SPRED2: variants seen among roughly 807,000 people sequenced by gnomAD.
The protein encoded by SPRED2 is sprouty-related, EVH1 domain-containing protein 2.
In SPRED2, 47 loss-of-function variants were observed where a neutral mutation model predicts 43.0. The ratio of observed to expected loss-of-function variants is 1.09; its 90% CI spans 0.87 to 1.40. SPRED2 has a LOEUF of 1.40. SPRED2 is among the 40% of genes most tolerant of loss of function. The pLI, the probability that SPRED2 is intolerant of heterozygous loss-of-function variation, is 0.00. For missense variants in SPRED2, 561 were observed against 586.4 expected (o/e 0.96, Z 0.45); for synonymous variants, 225 against 225.7 (o/e 1.00, Z 0.03).
rs1000640439 is a variant in SPRED2, at chr2:65,355,533, A to G, written c.27-10637T>C. 4.6e-5 allele frequency among the ~76,000 whole-genome samples: 7 copies of G among 152,304 alleles called. No individual in the cohort carries two copies. The East Asian group carries it at 9.6e-4, about 21-fold the overall frequency. On this transcript the variant is annotated intron_variant, in intron 1 of 5. Coordinates refer to ENST00000356388, the MANE Select transcript of SPRED2 (RefSeq NM_181784.3). ...GGAGTTTGAGACTAGCCTGGCTAAC[A>G]TGGAGAAAGCTCGTCTCCATCAAAA...
intron 1 of SPRED2, among the ~76,000 whole-genome samples, chr2:65,360,892 C>A (rs983904439): frequency 6.6e-6 from 1 of 152,150 alleles, no homozygotes; most frequent in African/African-American, 2.4e-5. Context: ...AGGTAAAGAA[C>A]CCCAAATTTA....
intron 1 of SPRED2, among the ~76,000 whole-genome samples, chr2:65,355,118 A>G (rs889052525): frequency 4.6e-5 from 7 of 152,214 alleles, no homozygotes; most frequent in African/African-American, 1.4e-4. Context: ...TCTAATCCTT[A>G]CTAATAGCAG....
intron 1 of SPRED2, among the ~76,000 whole-genome samples, chr2:65,420,033 A>C (rs1676384235): frequency 6.6e-6 from 1 of 151,964 alleles, no homozygotes; most frequent in South Asian, 2.1e-4. Context: ...AACATGGTGA[A>C]ACCCCTCCTC....
intron 1 of SPRED2, among the ~76,000 whole-genome samples, chr2:65,422,104 A>ACACACACACACTCT (rs1299857849): frequency 3.5e-3 from 452 of 128,974 alleles, no homozygotes; most frequent in South Asian, 8.7e-3. Flanking sequence ...ACACACACAC[A>ACACACACACACTCT]CTCTCTCTCT....
At chr2:65,397,748 C>G (rs2103709135) in intron 1 of SPRED2, among the ~76,000 whole-genome samples, 1 of 152,050 alleles carries the variant, frequency 6.6e-6, no homozygotes, top group East Asian at 1.9e-4. Context: ...AGACATATCC[C>G]CCACTCCAAA....
chr2:65,384,178 G>A (rs1217337568), intron 1 of SPRED2, among the ~76,000 whole-genome samples: 1 of 151,916 alleles, frequency 6.6e-6, no homozygotes, highest in Non-Finnish European at 1.5e-5. Flanking sequence ...TCTCCACCAG[G>A]TGTGGGAACT....
intron 1 of SPRED2, among the ~76,000 whole-genome samples, chr2:65,390,159 G>GT (rs1248508542): frequency 6.6e-6 from 1 of 152,270 alleles, no homozygotes; most frequent in Non-Finnish European, 1.5e-5. Flanking sequence ...TTTCTGAGAG[G>GT]AAGGTGACTG....
At chr2:65,400,184 T>TAA (rs1330271727) in intron 1 of SPRED2, among the ~76,000 whole-genome samples, 1 of 152,180 alleles carries the variant, frequency 6.6e-6, no homozygotes, top group East Asian at 1.9e-4. Flanking sequence ...CAATCCTTCT[T>TAA]AAATAGTTAT....
intron 2 of SPRED2, among the ~76,000 whole-genome samples, chr2:65,336,514 C>T (rs1284697484): frequency 6.6e-6 from 1 of 152,110 alleles, no homozygotes; most frequent in Non-Finnish European, 1.5e-5. Context: ...ACAACAGTTC[C>T]CTCCCATAAT....
chr2:65,347,128 C>T (rs1302983015), intron 1 of SPRED2, among the ~76,000 whole-genome samples: 6 of 152,170 alleles, frequency 3.9e-5, no homozygotes, highest in Admixed American at 3.9e-4. Flanking sequence ...TCCCTCCAGA[C>T]TCCAATAATT....
intron 4 of SPRED2, among the ~76,000 whole-genome samples, chr2:65,317,558 CAAA>C (rs58570914): frequency 0.072 from 6,121 of 85,388 alleles, 188 homozygotes; most frequent in African/African-American, 0.15. Context: ...ACAACAACAA[CAAA>C]AACAAAACAT....
At position 65,344,783 on chromosome 2, in the gene SPRED2, A is replaced by T. The variant is rs1414347657; in HGVS notation, c.140T>A (p.Met47Lys). 9.9e-6 allele frequency: 16 copies of T among 1,614,204 alleles called. No individual in the cohort carries two copies. Among genetic ancestry groups the T allele is most frequent in the Non-Finnish European group, 1.4e-5 (16 of 1,180,018 alleles). ...GCTTCGTCCATTGCCTTCGGGGTGC[A>T]TGACCTTACAGACCCCGACGCGACT... Reference protein sequence around the residue: ...GISRVGVCKVMHPEGNGRSGF... With the variant: ...GISRVGVCKVKHPEGNGRSGF... Residue 47 changes from methionine to lysine, a missense_variant, in exon 2 of 6, where the codon ATG becomes AAG. Transcript: ENST00000356388.
chr2:65,320,809 A>G (rs1673387494), intron 4 of SPRED2, among the ~76,000 whole-genome samples: 1 of 152,194 alleles, frequency 6.6e-6, no homozygotes, highest in African/African-American at 2.4e-5. Flanking sequence ...GCAAAGGGGA[A>G]AAAAAATCTC....
chr2:65,374,540 T>G (rs1675195217), intron 1 of SPRED2, among the ~76,000 whole-genome samples: 1 of 152,268 alleles, frequency 6.6e-6, no homozygotes, highest in South Asian at 2.1e-4. Flanking sequence ...CAGTTAACTT[T>G]CTGGTTTCTC....
chr2:65,401,973 A>ACACACACACAC (rs770117392), intron 1 of SPRED2, among the ~76,000 whole-genome samples: 2 of 148,350 alleles, frequency 1.3e-5, no homozygotes, highest in Non-Finnish European at 3.0e-5. Context: ...ACACACACAC[A>ACACACACACAC]CCTGTTAATT....
chr2:65,425,052 A>G (rs1676525641), intron 1 of SPRED2, among the ~76,000 whole-genome samples: 1 of 152,270 alleles, frequency 6.6e-6, no homozygotes, highest in Non-Finnish European at 1.5e-5. Context: ...TGGAGGCCAG[A>G]GCCAAAGCAA....
At chr2:65,346,265 C>T (rs1181980784) in intron 1 of SPRED2, among the ~76,000 whole-genome samples, 1 of 152,086 alleles carries the variant, frequency 6.6e-6, no homozygotes, top group Non-Finnish European at 1.5e-5. Context: ...CTCCCTTGGC[C>T]CCCCCAACCC....
At chr2:65,431,301 C>G (rs1304236121) in intron 1 of SPRED2, among the ~76,000 whole-genome samples, 1 of 151,452 alleles carries the variant, frequency 6.6e-6, no homozygotes, top group Non-Finnish European at 1.5e-5. Context: ...CCGCCCGACC[C>G]CGCAGGACGC....
At chr2:65,373,020 T>C (rs1218688804) in intron 1 of SPRED2, among the ~76,000 whole-genome samples, 1 of 152,238 alleles carries the variant, frequency 6.6e-6, no homozygotes, top group East Asian at 1.9e-4. Context: ...TATCTGTTTG[T>C]CAGATGCCTA....
Sources: gnomAD v4.1 joint callset for allele counts (sites outside exome capture counted in the v4.1 genomes callset) on GRCh38, gnomAD v4.1.1 for gene constraint, MANE v1.5 for transcripts, NCBI Gene and HGNC (gene_info 2026-07-23, HGNC 2026-07-21) for gene names.